The following PDE1A variants were observed in gnomAD, a reference collection of about 807,000 sequenced individuals.
PDE1A encodes the protein dual specificity calcium/calmodulin-dependent 3',5'-cyclic nucleotide phosphodiesterase 1A.
Under a neutral mutation model 61.7 loss-of-function variants are expected in PDE1A, and 35 were observed. The ratio of observed to expected loss-of-function variants is 0.57; its 90% CI spans 0.43 to 0.75. The LOEUF is 0.75. Among genes scored for constraint, PDE1A ranks in the 30% least tolerant of loss-of-function variants. The pLI is 0.00. For synonymous variants in PDE1A, 232 were observed against 213.2 expected (o/e 1.09, Z -0.77); for missense variants, 597 against 630.6 (o/e 0.95, Z 0.57).
intron 7 of PDE1A, among the ~76,000 whole-genome samples, chr2:182,215,591 C>T (rs1688097281): frequency 7.0e-6 from 1 of 143,794 alleles, no homozygotes; most frequent in Non-Finnish European, 1.5e-5. Flanking sequence ...GATATCACCA[C>T]CGATTCCAAA....
intron 1 of PDE1A, among the ~76,000 whole-genome samples, chr2:182,266,403 T>A (rs1692636124): frequency 6.6e-6 from 1 of 152,198 alleles, no homozygotes; most frequent in African/African-American, 2.4e-5. Context: ...GTCCTTTATT[T>A]ATGAAAGTAG....
chr2:182,592,188 A>G, the PDE1A span, among the ~76,000 whole-genome samples: 1,564 of 152,340 alleles, frequency 0.01, 24 homozygotes, highest in African/African-American at 0.035. Flanking sequence ...TCTCAGGAAA[A>G]AAGTGATAAA....
intron 2 of PDE1A, among the ~76,000 whole-genome samples, chr2:182,496,455 T>G (rs568023839): frequency 1.3e-5 from 2 of 152,306 alleles, no homozygotes; most frequent in South Asian, 2.1e-4. Flanking sequence ...AAAACTGGGA[T>G]CTGGTTATAG....
chr2:182,189,036 G>A (rs1481884384), exon 11 of PDE1A: 1 of 1,612,720 alleles, frequency 6.2e-7, no homozygotes, highest in Non-Finnish European at 8.5e-7. Flanking sequence ...GAAAATGGAA[G>A]CCCTAATTCA....
At chr2:182,635,996 C>T in the PDE1A span, among the ~76,000 whole-genome samples, 1 of 127,552 alleles carries the variant, frequency 7.8e-6, no homozygotes. Flanking sequence ...TGCTCTTTTG[C>T]CCAGGCCGGA....
chr2:182,195,472 T>C (rs1686061040), intron 10 of PDE1A, among the ~76,000 whole-genome samples: 1 of 152,066 alleles, frequency 6.6e-6, no homozygotes, highest in Non-Finnish European at 1.5e-5. Flanking sequence ...AGTCCAATTA[T>C]CTCTCTAATT....
chr2:182,185,532 A>G (rs1278744426), intron 13 of PDE1A, among the ~76,000 whole-genome samples: 1 of 152,198 alleles, frequency 6.6e-6, no homozygotes, highest in Non-Finnish European at 1.5e-5. Flanking sequence ...ACTTAATGCA[A>G]CACAAAAGCC....
the PDE1A span, among the ~76,000 whole-genome samples, chr2:182,667,937 A>C: frequency 3.9e-5 from 6 of 152,176 alleles, no homozygotes; most frequent in African/African-American, 1.4e-4. Flanking sequence ...AGGAAGTCCC[A>C]CCAGAGATAT....
chr2:182,344,881 C>G (rs77784825), intron 1 of PDE1A, among the ~76,000 whole-genome samples: 3,490 of 152,056 alleles, frequency 0.023, 136 homozygotes, highest in African/African-American at 0.08. Flanking sequence ...ACAGAAGCCC[C>G]TGCAGAAAAA....
At chr2:182,694,377 A>G in the PDE1A span, among the ~76,000 whole-genome samples, 1 of 152,324 alleles carries the variant, frequency 6.6e-6, no homozygotes, top group South Asian at 2.1e-4. Flanking sequence ...TGATGATGCA[A>G]TGGGCTCAGA....
upstream of PDE1A, among the ~76,000 whole-genome samples, chr2:182,524,199 G>C (rs1207421069): frequency 6.6e-6 from 1 of 152,070 alleles, no homozygotes; most frequent in East Asian, 1.9e-4. Context: ...ACTGTTACCT[G>C]ATATTTCTTT....
intron 1 of PDE1A, among the ~76,000 whole-genome samples, chr2:182,286,493 T>C (rs1466605407): frequency 6.6e-6 from 1 of 152,128 alleles, no homozygotes; most frequent in Non-Finnish European, 1.5e-5. Flanking sequence ...CTCAATCCAG[T>C]CATTACATAA....
At chr2:182,459,732 A>G (rs543029323) in intron 2 of PDE1A, among the ~76,000 whole-genome samples, 1 of 152,262 alleles carries the variant, frequency 6.6e-6, no homozygotes, top group East Asian at 1.9e-4. Context: ...AACTACCAAC[A>G]TTCAATGAGG....
At chr2:182,211,278 T>C (rs1435961388) in intron 7 of PDE1A, among the ~76,000 whole-genome samples, 1 of 152,236 alleles carries the variant, frequency 6.6e-6, no homozygotes, top group Non-Finnish European at 1.5e-5. Flanking sequence ...AGATTATTTT[T>C]GCTTCACTGT....
At chr2:182,422,396 T>C (rs1419349825) in intron 1 of PDE1A, among the ~76,000 whole-genome samples, 2 of 152,180 alleles carry the variant, frequency 1.3e-5, no homozygotes, top group African/African-American at 2.4e-5. Flanking sequence ...GCACATATAA[T>C]AGAATTTGAT....
intron 2 of PDE1A, among the ~76,000 whole-genome samples, chr2:182,445,291 A>G (rs1470672095): frequency 6.6e-6 from 1 of 152,150 alleles, no homozygotes; most frequent in Non-Finnish European, 1.5e-5. Flanking sequence ...GGTTAATGTA[A>G]GCCTAAAGTC....
At chr2:182,206,021 T>C in exon 8 of PDE1A, 1 of 1,612,998 alleles carries the variant, frequency 6.2e-7, no homozygotes, top group Non-Finnish European at 8.5e-7. Flanking sequence ...CACGTGGTGA[T>C]TCTCAAGGAC....
chr2:182,210,352 C>T (rs1233009473), intron 7 of PDE1A, among the ~76,000 whole-genome samples: 3 of 152,036 alleles, frequency 2.0e-5, no homozygotes, highest in Non-Finnish European at 4.4e-5. Context: ...TGTGTATTGC[C>T]TATTGATCTA....
chr2:182,528,280 G>C, the PDE1A span, among the ~76,000 whole-genome samples: 6 of 152,154 alleles, frequency 3.9e-5, no homozygotes, highest in Non-Finnish European at 7.4e-5. Context: ...GAACTTGTTC[G>C]GAACTGCAGT....
Sources: gnomAD v4.1 joint callset for allele counts (sites outside exome capture counted in the v4.1 genomes callset) on GRCh38, gnomAD v4.1.1 for gene constraint, MANE v1.5 for transcripts, NCBI Gene and HGNC (gene_info 2026-07-23, HGNC 2026-07-21) for gene names.